The following MTUS2 variants were observed in gnomAD, a reference collection of about 807,000 sequenced individuals.
MTUS2 encodes microtubule-associated tumor suppressor candidate 2.
Under a neutral mutation model 114.1 loss-of-function variants are expected in MTUS2, and 40 were observed. The observed-to-expected ratio is 0.35, with a 90% confidence interval of 0.27 to 0.46. MTUS2 has a LOEUF of 0.46. Among genes scored for constraint, MTUS2 ranks in the 20% least tolerant of loss-of-function variants. MTUS2 has a pLI of 1.00. For missense variants in MTUS2, 1,679 were observed against 1,705.4 expected (o/e 0.98, Z 0.27); for synonymous variants, 688 against 672.0 (o/e 1.02, Z -0.37).
rs1488238013 is a variant in MTUS2, at chr13:29,101,592, T to G, written c.2644+622T>G. Among the ~76,000 whole-genome samples the G allele has an allele frequency of 2.0e-4, 31 of 152,186 alleles. 1 individual carries two copies. Among genetic ancestry groups the G allele is most frequent in the Non-Finnish European group, 5.9e-5 (4 of 68,030 alleles). ...AGCATGTTACAACAGCTGCTGTCCCTGAGGAAGATCTGGAGGTTGCCCATT... is the reference window on the plus strand; with the variant it reads ...AGCATGTTACAACAGCTGCTGTCCCGGAGGAAGATCTGGAGGTTGCCCATT... On this transcript the variant is annotated intron_variant, in intron 5 of 15. Coordinates refer to ENST00000612955, the MANE Select transcript of MTUS2 (RefSeq NM_001033602.4).
At chr13:29,232,738 C>T (rs577227299) in intron 5 of MTUS2, among the ~76,000 whole-genome samples, 3 of 152,280 alleles carry the variant, frequency 2.0e-5, no homozygotes, top group South Asian at 2.1e-4. Flanking sequence ...GGTTTCCTCA[C>T]GTTACCTATG....
rs765506281 is a variant in MTUS2 at position 29,487,958 on chromosome 13, C to T, written c.3458C>T (p.Thr1153Ile). ...CTCCTAGAGATGGAAAATAACCACA[C>T]AGTTGCCATCACAATCCTGCAGGAT... ...AALLEMENNH[T>I]VAITILQDDH... Residue 1153 changes from threonine (T) to isoleucine (I), a missense_variant, in exon 11 of 16, where the codon ACA (threonine) becomes ATA (isoleucine). By Grantham distance (89) the Thr-to-Ile change is moderately conservative. Coordinates refer to ENST00000612955, the MANE Select transcript of MTUS2 (RefSeq NM_001033602.4). 5 of 1,614,168 alleles carry T rather than the reference C, an allele frequency of 3.1e-6. No individual in the cohort carries two copies. The highest frequency in any genetic ancestry group is 1.3e-5 in the African/African-American group (1 of 75,040).
intron 10 of MTUS2, among the ~76,000 whole-genome samples, chr13:29,486,713 T>C (rs1881638065): frequency 6.6e-6 from 1 of 152,238 alleles, no homozygotes; most frequent in South Asian, 2.1e-4. Context: ...TTAAACCAGA[T>C]TTTTCCAAAT....
chr13:28,850,857 T>A (rs1256400216), intron 2 of MTUS2, among the ~76,000 whole-genome samples: 1 of 152,184 alleles, frequency 6.6e-6, no homozygotes, highest in African/African-American at 2.4e-5. Flanking sequence ...TCATATGAGA[T>A]CATTGGGTAG....
intron 8 of MTUS2, among the ~76,000 whole-genome samples, chr13:29,401,443 AT>A (rs1314195405): frequency 2.0e-5 from 3 of 152,214 alleles, no homozygotes; most frequent in Admixed American, 6.5e-5. Flanking sequence ...CCTCCCAAAG[AT>A]TATGATACTC....
At chr13:29,112,492 A>T (rs1287867363) in intron 5 of MTUS2, among the ~76,000 whole-genome samples, 1 of 152,214 alleles carries the variant, frequency 6.6e-6, no homozygotes, top group Non-Finnish European at 1.5e-5. Flanking sequence ...AAATCAGGTT[A>T]CAAGGGGGTA....
At chr13:29,323,921 C>T (rs7990113) in intron 6 of MTUS2, among the ~76,000 whole-genome samples, 81,916 of 152,024 alleles carry the variant, frequency 0.54, 24,812 homozygotes, top group East Asian at 0.76. Context: ...CTCACATCCA[C>T]TGCTGTTTGA....
intron 6 of MTUS2, among the ~76,000 whole-genome samples, chr13:29,294,283 G>A (rs1898842979): frequency 6.6e-6 from 1 of 151,884 alleles, no homozygotes; most frequent in South Asian, 2.1e-4. Context: ...TGCTTTTACA[G>A]TTAACGTTAT....
intron 8 of MTUS2, among the ~76,000 whole-genome samples, chr13:29,391,860 G>A (rs1367814056): frequency 3.3e-5 from 5 of 151,762 alleles, no homozygotes; most frequent in East Asian, 3.9e-4. Context: ...ACCTTTGGCC[G>A]GGCGCAGTGG....
chr13:29,432,746 A>C (rs751813684), intron 8 of MTUS2, among the ~76,000 whole-genome samples: 34 of 152,216 alleles, frequency 2.2e-4, no homozygotes, highest in Non-Finnish European at 4.6e-4. Flanking sequence ...GATTCAGTCC[A>C]ACAGCAACAC....
intron 5 of MTUS2, among the ~76,000 whole-genome samples, chr13:29,156,766 T>C (rs1168429081): frequency 6.6e-6 from 1 of 152,206 alleles, no homozygotes; most frequent in Non-Finnish European, 1.5e-5. Context: ...TTTAAAATTA[T>C]TCTGAAGTTT....
At chr13:29,447,080 G>C (rs1593453604) in intron 9 of MTUS2, among the ~76,000 whole-genome samples, 1 of 151,884 alleles carries the variant, frequency 6.6e-6, no homozygotes, top group African/African-American at 2.4e-5. Context: ...TTTAAATTAG[G>C]GATGCTCAAC....
At chr13:29,232,727 G>T (rs2139366405) in intron 5 of MTUS2, among the ~76,000 whole-genome samples, 1 of 152,244 alleles carries the variant, frequency 6.6e-6, no homozygotes, top group African/African-American at 2.4e-5. Flanking sequence ...AGTACTGTCT[G>T]GGTTTCCTCA....
At chr13:29,120,055 T>A (rs1362857881) in intron 5 of MTUS2, among the ~76,000 whole-genome samples, 1 of 152,166 alleles carries the variant, frequency 6.6e-6, no homozygotes, top group East Asian at 1.9e-4. Context: ...TGATAAATTT[T>A]TTGCCATTAC....
At chr13:28,884,649 T>C (rs1878484196) in intron 2 of MTUS2, among the ~76,000 whole-genome samples, 1 of 152,182 alleles carries the variant, frequency 6.6e-6, no homozygotes, top group Non-Finnish European at 1.5e-5. Flanking sequence ...CATTTGAAGC[T>C]AGTGAAATCT....
At chr13:28,900,584 T>C (rs2137957444) in intron 2 of MTUS2, among the ~76,000 whole-genome samples, 1 of 152,358 alleles carries the variant, frequency 6.6e-6, no homozygotes, top group East Asian at 1.9e-4. Context: ...GAATAATTTC[T>C]GAACATTATT....
chr13:28,982,198 C>T (rs954084675), intron 2 of MTUS2, among the ~76,000 whole-genome samples: 3 of 152,248 alleles, frequency 2.0e-5, no homozygotes, highest in Admixed American at 2.0e-4. Flanking sequence ...AAGGCACATT[C>T]TCTGGGTCCA....
At chr13:29,108,334 C>T (rs761757181) in intron 5 of MTUS2, among the ~76,000 whole-genome samples, 4 of 152,208 alleles carry the variant, frequency 2.6e-5, no homozygotes, top group Non-Finnish European at 4.4e-5. Context: ...TGATGAGTTG[C>T]ACCCAGAGAT....
chr13:29,123,090 A>G (rs1053774512), intron 5 of MTUS2, among the ~76,000 whole-genome samples: 6 of 152,186 alleles, frequency 3.9e-5, no homozygotes, highest in Non-Finnish European at 8.8e-5. Flanking sequence ...TGACGTTTCT[A>G]TGCTTCAGAT....
Sources: allele counts gnomAD v4.1 joint callset (sites outside exome capture counted in the v4.1 genomes callset), GRCh38; gene constraint gnomAD v4.1.1; transcripts MANE v1.5; gene names NCBI Gene and HGNC (gene_info 2026-07-23, HGNC 2026-07-21).